Variants in MPPED1 observed in about 807,000 individuals in gnomAD.
The protein encoded by MPPED1 is metallophosphoesterase domain containing 1, also known as metallophosphoesterase domain-containing protein 1.
A neutral mutation model predicts 36.2 loss-of-function variants in MPPED1; 16 were observed. The ratio of observed to expected loss-of-function variants is 0.44; its 90% CI spans 0.30 to 0.67. MPPED1 has a LOEUF of 0.67. Among genes scored for constraint, MPPED1 ranks in the 30% least tolerant of loss-of-function variants. The pLI, the probability that MPPED1 is intolerant of heterozygous loss-of-function variation, is 0.10. For missense variants in MPPED1, 307 were observed against 453.4 expected (o/e 0.68, Z 2.93); for synonymous variants, 199 against 191.3 (o/e 1.04, Z -0.33).
rs1569088633 is a variant in MPPED1, at chr22:43,495,491, G to GAAGTGCTGGT, written c.633-2744_633-2743insAAGTGCTGGT. Among the ~76,000 whole-genome samples the GAAGTGCTGGT allele has an allele frequency of 3.3e-3, 85 of 26,038 alleles. 3 individuals carry two copies. The highest frequency in any genetic ancestry group is 0.026 in the African/African-American group (48 of 1,878). 17.1% of individuals were successfully genotyped at this position (26,038 alleles called of 152,430 possible). On this transcript the variant is annotated intron_variant, in intron 4 of 6. Transcript: ENST00000443721. ...GGTGATGGTGGAGGTGGTGGTGGAG[G>GAAGTGCTGGT]TAGTGGTGGTGGAGGTGGTGGTGGT...
At chr22:43,441,576 CCT>C (rs1384588877) in intron 3 of MPPED1, among the ~76,000 whole-genome samples, 3 of 152,136 alleles carry the variant, frequency 2.0e-5, no homozygotes, top group Admixed American at 6.5e-5. Flanking sequence ...GTGGCACTAC[CCT>C]TAGCAGACTC....
intron 3 of MPPED1, among the ~76,000 whole-genome samples, chr22:43,439,488 G>C (rs765650059): frequency 1.3e-5 from 2 of 152,380 alleles, no homozygotes; most frequent in East Asian, 1.9e-4. Flanking sequence ...AGCAGTGCCA[G>C]TGCAGGGAGG....
intron 1 of MPPED1, among the ~76,000 whole-genome samples, chr22:43,424,606 G>GA (rs567527292): frequency 8.8e-5 from 13 of 147,984 alleles, no homozygotes; most frequent in Admixed American, 6.0e-4. Context: ...TTTGTTGAAG[G>GA]AAAAAAAAAA....
chr22:43,483,252 A>G (rs1303099438), intron 4 of MPPED1, among the ~76,000 whole-genome samples: 2 of 152,346 alleles, frequency 1.3e-5, no homozygotes, highest in East Asian at 3.9e-4. Context: ...CTTGCCTCCC[A>G]CCAGAACGGG....
chr22:43,415,078 C>G (rs1396692526), intron 1 of MPPED1, among the ~76,000 whole-genome samples: 2 of 151,992 alleles, frequency 1.3e-5, no homozygotes, highest in Admixed American at 1.3e-4. Flanking sequence ...TTAATGTAGC[C>G]TGGGGCACTC....
At chr22:43,503,855 C>T (rs1184651840) in intron 6 of MPPED1, among the ~76,000 whole-genome samples, 1 of 152,184 alleles carries the variant, frequency 6.6e-6, no homozygotes, top group Non-Finnish European at 1.5e-5. Context: ...CACAATTGGA[C>T]TCCAAAGAAT....
intron 4 of MPPED1, among the ~76,000 whole-genome samples, chr22:43,478,949 C>T (rs1034761983): frequency 1.3e-5 from 2 of 152,102 alleles, no homozygotes; most frequent in Non-Finnish European, 2.9e-5. Context: ...GCCGGTATCC[C>T]CAGGTGATGC....
chr22:43,504,769 A>G (rs1005376565), intron 6 of MPPED1, among the ~76,000 whole-genome samples: 1 of 151,390 alleles, frequency 6.6e-6, no homozygotes, highest in African/African-American at 2.4e-5. Context: ...GGTAGTGATG[A>G]TGATGGCATT....
chr22:43,477,002 G>A (rs779465819), intron 4 of MPPED1, among the ~76,000 whole-genome samples: 2 of 152,302 alleles, frequency 1.3e-5, no homozygotes, highest in East Asian at 1.9e-4. Context: ...GGGAGAAGCC[G>A]AAGGACAGAG....
intron 4 of MPPED1, among the ~76,000 whole-genome samples, chr22:43,479,791 A>T (rs144624380): frequency 6.6e-6 from 1 of 152,326 alleles, no homozygotes; most frequent in African/African-American, 2.4e-5. Flanking sequence ...CAAAAAGCAA[A>T]CATATGGTTA....
At chr22:43,432,456 TAAAG>T (rs1261417096) in intron 2 of MPPED1, among the ~76,000 whole-genome samples, 3 of 26,230 alleles carry the variant, frequency 1.1e-4, no homozygotes, top group African/African-American at 3.6e-4. Flanking sequence ...AGGAGAGAGA[TAAAG>T]AGAGGAGAGA....
intron 2 of MPPED1, among the ~76,000 whole-genome samples, chr22:43,433,908 T>C (rs547237682): frequency 3.3e-5 from 5 of 152,328 alleles, no homozygotes; most frequent in South Asian, 2.1e-4. Context: ...TGAAATGTCA[T>C]TGCGTTGTTT....
rs746068497 is a variant in MPPED1 at position 43,497,929 on chromosome 22, GTATA to G, written c.633-304_633-301del. 3.8e-3 allele frequency among the ~76,000 whole-genome samples: 183 copies of G among 48,342 alleles called. 1 individual carries two copies. Among genetic ancestry groups the G allele is most frequent in the African/African-American group, 6.0e-3 (94 of 15,726 alleles). 31.7% of individuals were successfully genotyped at this position (48,342 alleles called of 152,430 possible). A position where few individuals can be genotyped will look rare whatever the true frequency, so the allele number is the denominator to read the frequency against. ...CTTAGGAAGAAGCTGATATATATAT[GTATA>G]TGTATATATATATATGTATTTAGCT... On this transcript the variant is annotated intron_variant, in intron 4 of 6. Coordinates refer to ENST00000443721, the MANE Select transcript of MPPED1 (RefSeq NM_001044370.2).
At chr22:43,434,321 T>C (rs1929873458) in intron 2 of MPPED1, among the ~76,000 whole-genome samples, 3 of 152,352 alleles carry the variant, frequency 2.0e-5, no homozygotes, top group Non-Finnish European at 4.4e-5. Context: ...CTTACGGTTT[T>C]GAGAAATGGA....
intron 4 of MPPED1, among the ~76,000 whole-genome samples, chr22:43,495,490 GGTA>G (rs1380811872): frequency 2.1e-4 from 6 of 28,784 alleles, no homozygotes; most frequent in East Asian, 1.3e-3. Flanking sequence ...TGGTGGTGGA[GGTA>G]GTGGTGGTGG....
At position 43,502,291 on chromosome 22, in the gene MPPED1, C is replaced by G. The variant is rs1932753025; in HGVS notation, c.749-353C>G. Among the ~76,000 whole-genome samples, 1 of 152,188 alleles carries G rather than the reference C, an allele frequency of 6.6e-6. No homozygotes were observed. The highest frequency in any genetic ancestry group is 1.5e-5 in the Non-Finnish European group (1 of 68,032). On this transcript the variant is annotated intron_variant, in intron 5 of 6. Coordinates refer to ENST00000443721, the MANE Select transcript of MPPED1 (RefSeq NM_001044370.2). The surrounding 1 kb of genome is among the most constrained non-coding windows in gnomAD (Gnocchi z 5.5). ...CTCTCTGGCCTCCGTTTGCTGATCT[C>G]TGCGGTGGGCGGATGCCACCCTTGA...
At chr22:43,504,102 T>G (rs1932771375) in intron 6 of MPPED1, among the ~76,000 whole-genome samples, 1 of 151,968 alleles carries the variant, frequency 6.6e-6, no homozygotes, top group African/African-American at 2.4e-5. Flanking sequence ...ATGGCCATGT[T>G]CACAGTGGTG....
chr22:43,470,364 T>C (rs143264691), intron 3 of MPPED1, among the ~76,000 whole-genome samples: 2 of 152,136 alleles, frequency 1.3e-5, no homozygotes, highest in East Asian at 3.9e-4. Flanking sequence ...TATATATCTA[T>C]CCATCTACAA....
chr22:43,464,971 A>G (rs1931112319), intron 3 of MPPED1, among the ~76,000 whole-genome samples: 1 of 152,170 alleles, frequency 6.6e-6, no homozygotes, highest in South Asian at 2.1e-4. Context: ...GGTTCCCACC[A>G]TCTGACCCTG....
Sources: allele counts gnomAD v4.1 joint callset (sites outside exome capture counted in the v4.1 genomes callset), GRCh38; gene constraint gnomAD v4.1.1; non-coding constraint Gnocchi (gnomAD v3.1); transcripts MANE v1.5; gene names NCBI Gene and HGNC (gene_info 2026-07-23, HGNC 2026-07-21).